The following AGPAT3 variants were observed in gnomAD, a reference collection of about 807,000 sequenced individuals.
AGPAT3 encodes the protein 1-acylglycerol-3-phosphate O-acyltransferase 3, also known as 1-acyl-sn-glycerol-3-phosphate acyltransferase gamma.
Under a neutral mutation model 47.3 loss-of-function variants are expected in AGPAT3, and 5 were observed. The observed-to-expected ratio is 0.11, with a 90% CI of 0.06 to 0.22. The LOEUF (loss-of-function observed/expected upper bound fraction) is 0.22. Ranked by LOEUF, AGPAT3 falls within the 10% of genes least tolerant of loss-of-function variation. The pLI, the probability that AGPAT3 is intolerant of heterozygous loss-of-function variation, is 1.00. For synonymous variants in AGPAT3, 212 were observed against 208.3 expected (o/e 1.02, Z -0.15); for missense variants, 315 against 493.0 (o/e 0.64, Z 3.42).
chr21:43,954,344 G>A lies in AGPAT3; in HGVS notation c.-48-5290G>A, dbSNP rs1039363302. On this transcript the variant is annotated intron_variant, in intron 2 of 9. Coordinates refer to ENST00000291572, the MANE Select transcript of AGPAT3 (RefSeq NM_020132.5). This position sits in a 1 kb window ranked among gnomAD's most constrained non-coding sequence, Gnocchi z 4.0. ...GGAGGTGGAACAGGGTACCTGCGAG[G>A]TCTGTGAGTGAAACTACACTGCTGG... Among the ~76,000 whole-genome samples, 1 of 152,188 alleles carries A rather than the reference G, an allele frequency of 6.6e-6. No homozygotes were observed. Among genetic ancestry groups the A allele is most frequent in the African/African-American group, 2.4e-5 (1 of 41,446 alleles).
intron 2 of AGPAT3, among the ~76,000 whole-genome samples, chr21:43,909,136 G>C (rs1023838842): frequency 1.3e-5 from 2 of 152,134 alleles, no homozygotes; most frequent in Non-Finnish European, 2.9e-5. Flanking sequence ...TTCAAGAAAG[G>C]CTCCTCCCGG....
rs1285122542 is a variant in AGPAT3, at chr21:43,889,590, A to G, written c.-111-14367A>G. 2.0e-5 allele frequency among the ~76,000 whole-genome samples: 3 copies of G among 152,242 alleles called. No homozygotes were observed. The East Asian group carries it at 5.8e-4, about 29-fold the overall frequency. The stretch of plus-strand genomic sequence containing the variant: ...CTTCGGCAATAAAATAAATATCACG[A>G]TAAAGTGAGGCACACACATTTTTTG... On this transcript the variant is annotated intron_variant, in intron 1 of 9. Coordinates refer to ENST00000291572, the MANE Select transcript of AGPAT3 (RefSeq NM_020132.5).
Position 43,954,191 on chromosome 21 carries a change from C to T in AGPAT3, c.-48-5443C>T, listed in dbSNP as rs1164504196. ...GGACTTTGAAGCTGGAGGCGGGGACCGGTGTGGCCAAGCAGGGCACCTTCC... is the reference window on the plus strand; with the variant it reads ...GGACTTTGAAGCTGGAGGCGGGGACTGGTGTGGCCAAGCAGGGCACCTTCC... On this transcript the variant is annotated intron_variant, in intron 2 of 9. Coordinates refer to ENST00000291572, the MANE Select transcript of AGPAT3 (RefSeq NM_020132.5). This position sits in a 1 kb window ranked among gnomAD's most constrained non-coding sequence, Gnocchi z 4.0. Among the ~76,000 whole-genome samples the T allele has an allele frequency of 2.6e-5, 4 of 152,202 alleles. No homozygotes were observed. Among genetic ancestry groups the T allele is most frequent in the African/African-American group, 7.2e-5 (3 of 41,458 alleles).
At chr21:43,960,070 C>T (rs1175549490) in intron 3 of AGPAT3, among the ~76,000 whole-genome samples, 1 of 152,156 alleles carries the variant, frequency 6.6e-6, no homozygotes, top group Non-Finnish European at 1.5e-5. Context: ...CATTCTGACC[C>T]ATAGCAATGG....
At chr21:43,905,154 AATATTTATTTATT>A (rs1327214405) in intron 2 of AGPAT3, among the ~76,000 whole-genome samples, 3 of 115,284 alleles carry the variant, frequency 2.6e-5, no homozygotes, top group African/African-American at 6.8e-5. Context: ...TTTTAAAAAA[AATATTTATTTATT>A]TATTTATTTA....
Position 43,896,943 on chromosome 21 carries a change from GTTTTTTTTT to G in AGPAT3, c.-111-6997_-111-6989del, listed in dbSNP as rs61657564. 5.9e-3 allele frequency among the ~76,000 whole-genome samples: 250 copies of G among 42,350 alleles called. 9 individuals are homozygous for G. Among genetic ancestry groups the G allele is most frequent in the Admixed American group, 5.0e-3 (19 of 3,804 alleles). The allele number at this position is 42,350 out of a possible 152,430, so 27.8% of individuals were successfully genotyped here. A position where few individuals can be genotyped will look rare whatever the true frequency, so the allele number is the denominator to read the frequency against. ...TTTTTAAATTGAAGTTTGACAGTCCGTTTTTTTTTTTTTTTTTTTTTTTTTCAGTATTTA... is the reference window on the plus strand; with the variant it reads ...TTTTTAAATTGAAGTTTGACAGTCCGTTTTTTTTTTTTTTTTCAGTATTTA... On this transcript the variant is annotated intron_variant, in intron 1 of 9. Transcript: ENST00000291572.
rs985496831 is a variant in AGPAT3, at chr21:43,984,588, C to T, written c.*2196C>T. On this transcript the variant is annotated 3_prime_UTR_variant, in exon 10 of 10. Transcript: ENST00000291572. The stretch of plus-strand genomic sequence containing the variant: ...CGGAGGCCCAGGCGCAGGGGTCACA[C>T]CTCATCTGGTTTCCTTCCCATCTCA... 1.3e-5 allele frequency: 2 copies of T among 157,734 alleles called. No homozygotes were observed. The highest frequency in any genetic ancestry group is 4.8e-5 in the African/African-American group (2 of 41,358). 9.8% of individuals were successfully genotyped at this position (157,734 alleles called of 1,614,324 possible).
chr21:43,901,788 C>A (rs1170119385), intron 1 of AGPAT3, among the ~76,000 whole-genome samples: 1 of 151,830 alleles, frequency 6.6e-6, no homozygotes, highest in Non-Finnish European at 1.5e-5. Context: ...GAAAAAAGAC[C>A]CAAATAAATC....
chr21:43,894,450 C>A (rs779789897), intron 1 of AGPAT3, among the ~76,000 whole-genome samples: 3 of 151,356 alleles, frequency 2.0e-5, no homozygotes, highest in Non-Finnish European at 2.9e-5. Context: ...CTATATGACT[C>A]ACCCATTTCG....
In AGPAT3 at chr21:43,906,850, C is replaced by T. The variant is rs547454915; in HGVS notation, c.-49+2831C>T. Among the ~76,000 whole-genome samples, 70 of 152,110 alleles carry T rather than the reference C, an allele frequency of 4.6e-4. 1 individual carries two copies. Among genetic ancestry groups the T allele is most frequent in the Non-Finnish European group, 7.9e-4 (54 of 68,016 alleles). On this transcript the variant is annotated intron_variant, in intron 2 of 9. Transcript: ENST00000291572. The stretch of plus-strand genomic sequence containing the variant: ...ACACCCGTGCTCCGCCTGGGCGAGC[C>T]GACACACACATGCTGGGTGGAAGAA...
At chr21:43,940,513 G>C (rs2329629) in intron 2 of AGPAT3, among the ~76,000 whole-genome samples, 6,747 of 152,296 alleles carry the variant, frequency 0.044, 454 homozygotes, top group African/African-American at 0.14. Flanking sequence ...TCCCTCCTGG[G>C]GTCCTTGGGC....
In AGPAT3 at chr21:43,935,205, G is replaced by A. The variant is rs539714748; in HGVS notation, c.-48-24429G>A. Among the ~76,000 whole-genome samples, 35 of 152,402 alleles carry A rather than the reference G, an allele frequency of 2.3e-4. No homozygotes were observed. In the South Asian group the frequency reaches 6.0e-3, roughly 26 times the overall value. The stretch of plus-strand genomic sequence containing the variant: ...CGCGCTAGCACGCTTTGCTGTGCGG[G>A]CATCGGTTGTGTCACACACTGGGCC... On this transcript the variant is annotated intron_variant, in intron 2 of 9. Coordinates refer to ENST00000291572, the MANE Select transcript of AGPAT3 (RefSeq NM_020132.5).
intron 2 of AGPAT3, among the ~76,000 whole-genome samples, chr21:43,924,291 C>T (rs2086987602): frequency 6.6e-6 from 1 of 151,806 alleles, no homozygotes; most frequent in Non-Finnish European, 1.5e-5. Flanking sequence ...TCCCAAAGTG[C>T]TGGGATTACA....
chr21:43,893,670 A>G (rs115544043), intron 1 of AGPAT3, among the ~76,000 whole-genome samples: 1,596 of 152,318 alleles, frequency 0.01, 26 homozygotes, highest in Middle Eastern at 0.078. Flanking sequence ...TCAGAGGGTT[A>G]TTAAGTGGCC....
rs1212140944 is a variant in AGPAT3, at chr21:43,981,831, T to C, written c.1043-473T>C. The stretch of plus-strand genomic sequence containing the variant: ...GCTCCTGCCGCCCCTGCCAGGGGCC[T>C]TGGTGGGAGGGGTCCTGAGAGGCAG... On this transcript the variant is annotated intron_variant, in intron 9 of 9. Coordinates refer to ENST00000291572, the MANE Select transcript of AGPAT3 (RefSeq NM_020132.5). The surrounding 1 kb of genome is among the most constrained non-coding windows in gnomAD (Gnocchi z 5.3). Among the ~76,000 whole-genome samples, 2 of 151,740 alleles carry C rather than the reference T, an allele frequency of 1.3e-5. No individual in the cohort carries two copies. The highest frequency in any genetic ancestry group is 4.8e-5 in the African/African-American group (2 of 41,356).
At chr21:43,963,101 A>G (rs1234074721) in intron 3 of AGPAT3, among the ~76,000 whole-genome samples, 2 of 152,272 alleles carry the variant, frequency 1.3e-5, no homozygotes, top group Non-Finnish European at 2.9e-5. Context: ...GTATCAGATT[A>G]GACACAGTTA....
chr21:43,970,925 A>G lies in AGPAT3; in HGVS notation c.664+119A>G. The G allele has an allele frequency of 8.1e-7, 1 of 1,233,416 alleles. No individual in the cohort carries two copies. Among genetic ancestry groups the G allele is most frequent in the East Asian group, 2.9e-5 (1 of 35,010 alleles). 76.4% of individuals were successfully genotyped at this position (1,233,416 alleles called of 1,614,324 possible). On this transcript the variant is annotated intron_variant, in intron 6 of 9. Coordinates refer to ENST00000291572, the MANE Select transcript of AGPAT3 (RefSeq NM_020132.5). The surrounding 1 kb of genome is among the most constrained non-coding windows in gnomAD (Gnocchi z 5.8). Reference sequence around the variant, plus strand: ...AAACACAGAAGAACAGAAGTGCAAAAGGAATCAAGTGAGGGGGTCGGCGCC... The same window carrying G: ...AAACACAGAAGAACAGAAGTGCAAAGGGAATCAAGTGAGGGGGTCGGCGCC...
chr21:43,936,673 A>G (rs757398285), intron 2 of AGPAT3, among the ~76,000 whole-genome samples: 1 of 152,210 alleles, frequency 6.6e-6, no homozygotes, highest in Non-Finnish European at 1.5e-5. Flanking sequence ...GAGACTTCAG[A>G]TACCTTGGCA....
chr21:43,921,792 C>CT (rs928587241), intron 2 of AGPAT3, among the ~76,000 whole-genome samples: 27 of 149,332 alleles, frequency 1.8e-4, no homozygotes, highest in Non-Finnish European at 2.4e-4. Flanking sequence ...TCTCTGAGCT[C>CT]TTTTTTTTTT....
Sources: gnomAD v4.1 joint callset for allele counts (sites outside exome capture counted in the v4.1 genomes callset) on GRCh38, gnomAD v4.1.1 for gene constraint, Gnocchi (gnomAD v3.1) non-coding constraint, MANE v1.5 for transcripts, NCBI Gene and HGNC (gene_info 2026-07-23, HGNC 2026-07-21) for gene names.